The following INSL6 variants were observed in gnomAD, a reference collection of about 807,000 sequenced individuals.
INSL6 encodes the protein insulin-like peptide INSL6.
In INSL6, 16 loss-of-function variants were observed where a neutral mutation model predicts 9.4. That is an observed-to-expected ratio of 1.70 (90% CI 1.15 to 2.59). The LOEUF is 2.59. Ranked by LOEUF, INSL6 falls within the 30% of genes most tolerant of loss-of-function variation. The pLI is 0.00. For missense variants in INSL6, 391 were observed against 257.3 expected (o/e 1.52, Z -3.56); for synonymous variants, 154 against 96.9 (o/e 1.59, Z -3.46).
the INSL6 span, among the ~76,000 whole-genome samples, chr9:5,011,618 T>C: frequency 6.6e-6 from 1 of 152,246 alleles, no homozygotes; most frequent in Non-Finnish European, 1.5e-5. Context: ...TTCTAATATT[T>C]GGGTCTGCTT....
chr9:5,088,588 T>G, the INSL6 span, among the ~76,000 whole-genome samples: 1 of 152,214 alleles, frequency 6.6e-6, no homozygotes, highest in Non-Finnish European at 1.5e-5. Context: ...AGTTTCTTAC[T>G]TCTTAATTTG....
intron 2 of INSL6, among the ~76,000 whole-genome samples, chr9:5,136,854 T>C (rs989637619): frequency 8.3e-4 from 126 of 152,364 alleles, no homozygotes; most frequent in Non-Finnish European, 1.8e-4. Flanking sequence ...GATGACATGA[T>C]TGTATATTTG....
chr9:5,136,752 T>C (rs1824393080), intron 2 of INSL6, among the ~76,000 whole-genome samples: 1 of 152,188 alleles, frequency 6.6e-6, no homozygotes, highest in Non-Finnish European at 1.5e-5. Flanking sequence ...TTCAACATAC[T>C]ATTGGAAGTT....
At chr9:5,072,459 C>T in the INSL6 span, 2 of 1,480,662 alleles carry the variant, frequency 1.4e-6, no homozygotes, top group East Asian at 2.4e-5. Flanking sequence ...TCCATCTTTA[C>T]TCATTCTTTT....
intron 1 of INSL6, among the ~76,000 whole-genome samples, chr9:5,176,545 C>A (rs545515176): frequency 2.0e-5 from 3 of 151,676 alleles, no homozygotes; most frequent in African/African-American, 7.3e-5. Flanking sequence ...CAAAAGTATG[C>A]GAAAAGAAGA....
chr9:5,112,001 G>T, the INSL6 span: 1 of 380,018 alleles, frequency 2.6e-6, no homozygotes, highest in South Asian at 2.0e-5. Context: ...TGGGAGGGAC[G>T]TCGCACTAGC....
intron 2 of INSL6, among the ~76,000 whole-genome samples, chr9:5,135,255 T>C (rs1824369387): frequency 6.6e-6 from 1 of 152,122 alleles, no homozygotes; most frequent in Non-Finnish European, 1.5e-5. Context: ...AACACCCCAC[T>C]GTCAATATTA....
the INSL6 span, among the ~76,000 whole-genome samples, chr9:5,003,405 T>C: frequency 1.3e-5 from 2 of 152,166 alleles, no homozygotes; most frequent in South Asian, 4.1e-4. Context: ...TAGAAATGTT[T>C]TACAGTTTTT....
chr9:5,111,254 A>T, the INSL6 span: 1 of 515,254 alleles, frequency 1.9e-6, no homozygotes, highest in Non-Finnish European at 3.7e-6. Context: ...GTAGAGACGC[A>T]GGCGTGCGCA....
At chr9:5,046,786 C>G in the INSL6 span, among the ~76,000 whole-genome samples, 1 of 128,202 alleles carries the variant, frequency 7.8e-6, no homozygotes, top group East Asian at 2.0e-4. Flanking sequence ...CTAAGAATAG[C>G]CTTTTGAAAA....
chr9:5,080,539 C>T, the INSL6 span: 1 of 1,583,746 alleles, frequency 6.3e-7, no homozygotes, highest in Non-Finnish European at 8.5e-7. Flanking sequence ...ATAGAAGCTA[C>T]AATTTTATGA....
chr9:5,111,859 G>T, the INSL6 span: 2 of 387,378 alleles, frequency 5.2e-6, no homozygotes, highest in Middle Eastern at 6.3e-4. Flanking sequence ...CAACCTCCTG[G>T]GCTCCCGAGG....
intron 2 of INSL6, among the ~76,000 whole-genome samples, chr9:5,151,297 GA>G (rs1824708820): frequency 6.6e-6 from 1 of 151,946 alleles, no homozygotes; most frequent in African/African-American, 2.4e-5. Flanking sequence ...GCATGAAAAA[GA>G]CACTGCAGGA....
intron 2 of INSL6, among the ~76,000 whole-genome samples, chr9:5,154,179 A>C (rs1217977108): frequency 6.6e-6 from 1 of 152,184 alleles, no homozygotes; most frequent in African/African-American, 2.4e-5. Context: ...CACATCTACA[A>C]CCATCTGATC....
intron 1 of INSL6, among the ~76,000 whole-genome samples, chr9:5,174,602 T>C (rs1029497346): frequency 6.6e-6 from 1 of 152,230 alleles, no homozygotes; most frequent in Non-Finnish European, 1.5e-5. Flanking sequence ...CTTAGTACTA[T>C]TTTCTATGTA....
chr9:5,061,226 C>T, the INSL6 span, among the ~76,000 whole-genome samples: 3 of 152,342 alleles, frequency 2.0e-5, no homozygotes, highest in South Asian at 6.2e-4. Context: ...AATTTCAAGT[C>T]ACCAATGGCA....
At chr9:5,132,650 C>A (rs562935158) in intron 3 of INSL6, among the ~76,000 whole-genome samples, 3 of 152,056 alleles carry the variant, frequency 2.0e-5, no homozygotes, top group Non-Finnish European at 2.9e-5. Flanking sequence ...CGTACAACTT[C>A]AAGTTGCATC....
the INSL6 span, chr9:5,041,007 C>G: frequency 1.5e-6 from 1 of 655,380 alleles, no homozygotes; most frequent in South Asian, 1.5e-5. Flanking sequence ...AGTTCCGGAC[C>G]CCGCAGCTGC....
chr9:5,162,692 CCT>C (rs1824952138), downstream of INSL6, among the ~76,000 whole-genome samples: 1 of 152,052 alleles, frequency 6.6e-6, no homozygotes, highest in Non-Finnish European at 1.5e-5. Flanking sequence ...CAGACTGTAC[CCT>C]GAAACTGATT....
Sources: allele counts gnomAD v4.1 joint callset (sites outside exome capture counted in the v4.1 genomes callset), GRCh38; gene constraint gnomAD v4.1.1; transcripts MANE v1.5; gene names NCBI Gene and HGNC (gene_info 2026-07-23, HGNC 2026-07-21).